CYB561A3: variants seen among roughly 807,000 people sequenced by gnomAD.
CYB561A3 encodes the protein cytochrome b561 family member A3.
Under a neutral mutation model 25.3 loss-of-function variants are expected in CYB561A3, and 16 were observed. The observed-to-expected ratio is 0.63, with a 90% CI of 0.43 to 0.96. The LOEUF is 0.96. Among genes scored for constraint, CYB561A3 ranks in the 40% least tolerant of loss-of-function variants. The pLI, the probability that CYB561A3 is intolerant of heterozygous loss-of-function variation, is 0.00. For synonymous variants in CYB561A3, 131 were observed against 129.9 expected (o/e 1.01, Z -0.06); for missense variants, 219 against 307.5 (o/e 0.71, Z 2.15).
chr11:61,353,245 C>G, intron 4 of CYB561A3, 106 bp from the exon 5 acceptor site: 3 of 1,385,028 alleles, frequency 2.2e-6, no homozygotes, highest in Non-Finnish European at 2.9e-6. Flanking sequence ...TCTTCTTTCA[C>G]AACTCAAACC....
chr11:61,359,521 C>G (rs945099899), intron 1 of CYB561A3: 10 of 149,902 alleles, frequency 6.7e-5, no homozygotes, highest in African/African-American at 2.5e-4. Context: ...TTTTTTTTTT[C>G]TTTGTAAGAG....
chr11:61,362,086 C>T (rs1395914059), upstream of CYB561A3: 2 of 152,422 alleles, frequency 1.3e-5, no homozygotes, highest in African/African-American at 2.4e-5. Context: ...GCATCAGCCC[C>T]GCCTCTCATC....
chr11:61,356,993 G>A (rs980198785), intron 2 of CYB561A3: 9 of 1,466,110 alleles, frequency 6.1e-6, no homozygotes, highest in African/African-American at 2.8e-5. Context: ...TGGCCCTGGC[G>A]AAGGCCAGAT....
rs931365070 is a variant in CYB561A3, at chr11:61,349,179, C to G, written c.*1220G>C. ...ACTTAGGAGCAAGACCCTTCCCGCT[C>G]TCCACCCTATTTCCTCCCCTGAAGA... On this transcript the variant is annotated 3_prime_UTR_variant, in exon 7 of 7. Coordinates refer to ENST00000294072, the MANE Select transcript of CYB561A3 (RefSeq NM_153611.6). 5 of 236,792 alleles carry G rather than the reference C, an allele frequency of 2.1e-5. No individual in the cohort carries two copies. Among genetic ancestry groups the G allele is most frequent in the Non-Finnish European group, 4.4e-5 (5 of 114,504 alleles). 14.7% of individuals were successfully genotyped at this position (236,792 alleles called of 1,614,324 possible). A position where few individuals can be genotyped will look rare whatever the true frequency, so the allele number is the denominator to read the frequency against.
chr11:61,350,076 A>T lies in CYB561A3; in HGVS notation c.*323T>A. The T allele has an allele frequency of 3.7e-6, 2 of 539,174 alleles. No homozygotes were observed. Among genetic ancestry groups the T allele is most frequent in the South Asian group, 4.3e-5 (2 of 46,608 alleles). The allele number at this position is 539,174 out of a possible 1,614,324, so 33.4% of individuals were successfully genotyped here. A position where few individuals can be genotyped will look rare whatever the true frequency, so the allele number is the denominator to read the frequency against. On this transcript the variant is annotated 3_prime_UTR_variant, in exon 7 of 7. Transcript: ENST00000294072. Reference sequence around the variant, plus strand: ...GAGAGGCTGACGCCAAGGAGTGCAGAAGCCAAAGCCACCAAGGAAAGCAGA... The same window carrying T: ...GAGAGGCTGACGCCAAGGAGTGCAGTAGCCAAAGCCACCAAGGAAAGCAGA...
Position 61,349,267 on chromosome 11 carries a change from G to C in CYB561A3, c.*1132C>G. ...TAGGTTGGGCCAGGCAAGCAGCCATGGTGGGGCCAGGTGAAGCAATGTGGG... is the reference window on the plus strand; with the variant it reads ...TAGGTTGGGCCAGGCAAGCAGCCATCGTGGGGCCAGGTGAAGCAATGTGGG... On this transcript the variant is annotated 3_prime_UTR_variant, in exon 7 of 7. Coordinates refer to ENST00000294072, the MANE Select transcript of CYB561A3 (RefSeq NM_153611.6). The C allele has an allele frequency of 2.4e-6, 1 of 420,268 alleles. No homozygotes were observed. Among genetic ancestry groups the C allele is most frequent in the Non-Finnish European group, 4.5e-6 (1 of 222,590 alleles). 26.0% of individuals were successfully genotyped at this position (420,268 alleles called of 1,614,324 possible). A position where few individuals can be genotyped will look rare whatever the true frequency, so the allele number is the denominator to read the frequency against.
At chr11:61,356,406 G>C in intron 3 of CYB561A3, 124 bp downstream of exon 3, 1 of 645,272 alleles carries the variant, frequency 1.5e-6, no homozygotes, top group South Asian at 2.0e-5. Flanking sequence ...CCCAGAGACA[G>C]CCCAACCCAC....
chr11:61,355,117 C>T (rs1857598650), intron 3 of CYB561A3, among the ~76,000 whole-genome samples: 1 of 152,014 alleles, frequency 6.6e-6, no homozygotes, highest in Non-Finnish European at 1.5e-5. Flanking sequence ...ATCCGCCCAC[C>T]TCAGTCTCCC....
At chr11:61,362,022 C>T (rs1857916527), upstream of CYB561A3, 1 of 152,570 alleles carries the variant, frequency 6.6e-6, no homozygotes, top group Non-Finnish European at 1.5e-5. Context: ...AACTCCCGTT[C>T]CTCCTCGGCG....
At chr11:61,351,252 TC>T in intron 5 of CYB561A3, 105 bp from the exon 6 acceptor site, 2 of 1,160,232 alleles carry the variant, frequency 1.7e-6, no homozygotes, top group Non-Finnish European at 2.3e-6. Flanking sequence ...CCTTCCCGGG[TC>T]CATATGTGAT....
chr11:61,350,531 C>T lies in CYB561A3; in HGVS notation c.706-109G>A. On this transcript the variant is annotated intron_variant, in intron 6 of 6. Coordinates refer to ENST00000294072, the MANE Select transcript of CYB561A3 (RefSeq NM_153611.6). ...CCTGCAGGGTGGTCCCCATCCAAGC[C>T]ACCAAATCCCTCAGGGAAGCCCCAA... 5 of 1,404,918 alleles carry T rather than the reference C, an allele frequency of 3.6e-6. No homozygotes were observed. In the South Asian group the frequency reaches 5.0e-5, roughly 14 times the overall value. The allele number at this position is 1,404,918 out of a possible 1,614,324, so 87.0% of individuals were successfully genotyped here.
intron 5 of CYB561A3, chr11:61,351,365 C>G: frequency 2.6e-6 from 1 of 389,554 alleles, no homozygotes; most frequent in Non-Finnish European, 4.4e-6. Flanking sequence ...TCTCGGCTCA[C>G]TGCAAGCTCC....
chr11:61,355,515 A>C (rs892736310), intron 3 of CYB561A3, among the ~76,000 whole-genome samples: 2 of 151,792 alleles, frequency 1.3e-5, no homozygotes, highest in African/African-American at 4.8e-5. Flanking sequence ...CCCCATCTCT[A>C]CTAAAAAATA....
intron 4 of CYB561A3, 194 bp from the exon 5 acceptor site, chr11:61,353,333 A>G: frequency 1.4e-6 from 1 of 714,620 alleles, no homozygotes; most frequent in Non-Finnish European, 2.3e-6. Context: ...ACAGTAAATG[A>G]CATGCTTAGC....
chr11:61,350,433 A>T lies in CYB561A3; in HGVS notation c.706-11T>A. 1 of 1,611,332 alleles carries T rather than the reference A, an allele frequency of 6.2e-7. No homozygotes were observed. The highest frequency in any genetic ancestry group is 1.3e-5 in the African/African-American group (1 of 74,988). Reference sequence around the variant, plus strand: ...ATCATGCAGCAGGGGCTGGAAAGAGAGGCAGATGCCCAGGAGTTAATGACA... The same window carrying T: ...ATCATGCAGCAGGGGCTGGAAAGAGTGGCAGATGCCCAGGAGTTAATGACA... On this transcript the variant is annotated splice_polypyrimidine_tract_variant and intron_variant, in intron 6 of 6. Transcript: ENST00000294072.
intron 5 of CYB561A3, chr11:61,351,947 C>T (rs1485439392): frequency 6.6e-6 from 1 of 152,108 alleles, no homozygotes; most frequent in Non-Finnish European, 1.5e-5. Context: ...GAGAGAGGGT[C>T]TTCCTATGTT....
intron 6 of CYB561A3, 62 bp from the exon 7 acceptor site, chr11:61,350,484 A>G: frequency 1.3e-6 from 2 of 1,593,096 alleles, no homozygotes; most frequent in Middle Eastern, 1.7e-4. Flanking sequence ...ACCAGGCCCA[A>G]GCTGTTCAGA....
chr11:61,358,018 A>T (rs1857706594), intron 1 of CYB561A3, 190 bp from the exon 2 acceptor site: 1 of 152,262 alleles, frequency 6.6e-6, no homozygotes, highest in Non-Finnish European at 1.5e-5. Flanking sequence ...GTGGGTGGGG[A>T]GTTCCAAATC....
intron 5 of CYB561A3, 29 bp downstream of exon 5, chr11:61,352,956 C>A: frequency 6.2e-7 from 1 of 1,614,100 alleles, no homozygotes; most frequent in Non-Finnish European, 8.5e-7. Context: ...TCCTCTTCAC[C>A]TTAGAGTTGG....
Sources: allele counts gnomAD v4.1 joint callset (sites outside exome capture counted in the v4.1 genomes callset), GRCh38; gene constraint gnomAD v4.1.1; transcripts MANE v1.5; gene names NCBI Gene and HGNC (gene_info 2026-07-23, HGNC 2026-07-21).